The following ICA1 variants were observed in gnomAD, a reference collection of about 807,000 sequenced individuals.
ICA1 encodes the protein 69 kDa islet cell autoantigen.
Under a neutral mutation model 71.0 loss-of-function variants are expected in ICA1, and 40 were observed. That is an observed-to-expected ratio of 0.56 (90% CI 0.44 to 0.73). ICA1 has a LOEUF of 0.73. Ranked by LOEUF, ICA1 falls within the 30% of genes least tolerant of loss-of-function variation. The pLI is 0.00. For missense variants in ICA1, 578 were observed against 576.5 expected (o/e 1.00, Z -0.03); for synonymous variants, 207 against 209.5 (o/e 0.99, Z 0.10).
intron 3 of ICA1, among the ~76,000 whole-genome samples, chr7:8,228,975 G>C (rs1224799044): frequency 4.6e-5 from 7 of 151,992 alleles, no homozygotes; most frequent in African/African-American, 1.7e-4. Flanking sequence ...CCTAAGTGAA[G>C]GGCCTAGTTA....
In ICA1 at chr7:8,156,614, G is replaced by C. The variant is rs1584677224; in HGVS notation, c.804+502C>G. On this transcript the variant is annotated intron_variant, in intron 8 of 13. Transcript: ENST00000402384. ...TTTTCAATTAGAAAATATTGCTGTA[G>C]TCTTACAGAAAAATTCAATTTTATG... 4 of 426,986 alleles carry C rather than the reference G, an allele frequency of 9.4e-6. No individual in the cohort carries two copies. The East Asian group carries it at 1.7e-4, about 18-fold the overall frequency. The allele number at this position is 426,986 out of a possible 1,614,324, so 26.4% of individuals were successfully genotyped here.
intron 8 of ICA1, among the ~76,000 whole-genome samples, chr7:8,150,924 T>C (rs1261289915): frequency 6.6e-6 from 1 of 152,246 alleles, no homozygotes; most frequent in Non-Finnish European, 1.5e-5. Flanking sequence ...CCCAATCTTC[T>C]GCACAATGGG....
At chr7:8,156,265 A>C (rs895952635) in intron 8 of ICA1, among the ~76,000 whole-genome samples, 1 of 152,258 alleles carries the variant, frequency 6.6e-6, no homozygotes, top group Admixed American at 6.5e-5. Context: ...ATGCATTTGA[A>C]TGTTTTAACG....
intron 12 of ICA1, among the ~76,000 whole-genome samples, chr7:8,134,624 C>T (rs1400859808): frequency 6.6e-6 from 1 of 152,168 alleles, no homozygotes; most frequent in Non-Finnish European, 1.5e-5. Flanking sequence ...AACACCAACA[C>T]TATCCTCACA....
chr7:8,158,081 C>T (rs367712611), intron 7 of ICA1, among the ~76,000 whole-genome samples: 1 of 152,018 alleles, frequency 6.6e-6, no homozygotes, highest in Non-Finnish European at 1.5e-5. Flanking sequence ...CAGTGTTATC[C>T]GGAAGGAACT....
At chr7:8,126,829 C>A (rs764032498) in intron 13 of ICA1, among the ~76,000 whole-genome samples, 1 of 152,160 alleles carries the variant, frequency 6.6e-6, no homozygotes, top group Non-Finnish European at 1.5e-5. Context: ...CTTTCAGAAG[C>A]CTGTGTGTTT....
rs1796120355 is a variant in ICA1 at position 8,144,072 on chromosome 7, C to T, written c.805-100G>A. The T allele has an allele frequency of 1.4e-6, 1 of 689,906 alleles. No individual in the cohort carries two copies. The highest frequency in any genetic ancestry group is 2.4e-6 in the Non-Finnish European group (1 of 411,956). 42.7% of individuals were successfully genotyped at this position (689,906 alleles called of 1,614,324 possible). On this transcript the variant is annotated intron_variant, in intron 8 of 13. Transcript: ENST00000402384. The surrounding 1 kb of genome is among the most constrained non-coding windows in gnomAD (Gnocchi z 4.5). The stretch of plus-strand genomic sequence containing the variant: ...GGTTATCAATTAAAAAATTCAACTG[C>T]CATTTGTCCCAGCAACCAAACTTTG...
intron 6 of ICA1, among the ~76,000 whole-genome samples, chr7:8,171,096 TAG>T (rs1808154201): frequency 6.6e-6 from 1 of 151,956 alleles, no homozygotes; most frequent in African/African-American, 2.4e-5. Flanking sequence ...CATTAGCTTG[TAG>T]TTTGCTTTTC....
chr7:8,188,359 C>A (rs901738046), intron 6 of ICA1, among the ~76,000 whole-genome samples: 7 of 152,210 alleles, frequency 4.6e-5, no homozygotes, highest in African/African-American at 1.7e-4. Flanking sequence ...GCATCCTACA[C>A]AGAGCTACCA....
chr7:8,219,659 G>T (rs998316341), intron 5 of ICA1, among the ~76,000 whole-genome samples: 1 of 152,232 alleles, frequency 6.6e-6, no homozygotes, highest in Non-Finnish European at 1.5e-5. Context: ...CATAAAGTAA[G>T]CTTGTTATCC....
chr7:8,178,179 CCATTGGTGTCA>C (rs376868868), intron 6 of ICA1, among the ~76,000 whole-genome samples: 179 of 152,304 alleles, frequency 1.2e-3, no homozygotes, highest in African/African-American at 4.2e-3. Context: ...CATGTTGTTC[CCATTGGTGTCA>C]CGTTGTTTCT....
At chr7:8,220,311 C>G (rs191324265) in intron 5 of ICA1, among the ~76,000 whole-genome samples, 2 of 152,294 alleles carry the variant, frequency 1.3e-5, no homozygotes, top group East Asian at 3.9e-4. Context: ...AAAACAGACA[C>G]AGCAGGTCTC....
chr7:8,187,747 T>C (rs1784344214), intron 6 of ICA1, among the ~76,000 whole-genome samples: 1 of 152,222 alleles, frequency 6.6e-6, no homozygotes, highest in Non-Finnish European at 1.5e-5. Flanking sequence ...CTTTTTTCTA[T>C]CTTTAACTTT....
rs150283640 is a variant in ICA1, at chr7:8,175,292, G to C, written c.580-16640C>G. 5.9e-5 allele frequency among the ~76,000 whole-genome samples: 9 copies of C among 152,278 alleles called. No homozygotes were observed. In the East Asian group the frequency reaches 1.7e-3, roughly 29 times the overall value. On this transcript the variant is annotated intron_variant, in intron 6 of 13. Coordinates refer to ENST00000402384, the MANE Select transcript of ICA1 (RefSeq NM_001136020.3). ...AAGAATCTGTATGTTTAATGCTGTG[G>C]CTAAGACGGTTAATCATCAGTATTT... is the stretch of plus-strand genomic sequence containing the variant.
At chr7:8,260,204 C>T (rs957470587) in intron 1 of ICA1, among the ~76,000 whole-genome samples, 1 of 152,174 alleles carries the variant, frequency 6.6e-6, no homozygotes, top group South Asian at 2.1e-4. Flanking sequence ...ACCTCCATAC[C>T]GCTAATGCTG....
Position 8,222,631 on chromosome 7 carries a change from G to T in ICA1, c.257-1233C>A, listed in dbSNP as rs2128428331. On this transcript the variant is annotated intron_variant, in intron 4 of 13. Coordinates refer to ENST00000402384, the MANE Select transcript of ICA1 (RefSeq NM_001136020.3). The surrounding 1 kb of genome is among the most constrained non-coding windows in gnomAD (Gnocchi z 4.8). ...GCTACCTTATTAATTTGTGACTATA[G>T]TTTCACCCTAAACATTCCCTTGGGA... Among the ~76,000 whole-genome samples, 1 of 152,294 alleles carries T rather than the reference G, an allele frequency of 6.6e-6. No homozygotes were observed. Among genetic ancestry groups the T allele is most frequent in the East Asian group, 1.9e-4 (1 of 5,182 alleles).
At chr7:8,149,227 G>A (rs1012909434) in intron 8 of ICA1, among the ~76,000 whole-genome samples, 2 of 152,116 alleles carry the variant, frequency 1.3e-5, no homozygotes, top group Admixed American at 6.5e-5. Flanking sequence ...CTCCAAAAAC[G>A]TTCTGTTTCT....
intron 6 of ICA1, among the ~76,000 whole-genome samples, chr7:8,172,648 T>C (rs1015010060): frequency 1.3e-5 from 2 of 152,212 alleles, no homozygotes; most frequent in African/African-American, 2.4e-5. Context: ...TGCTTTGAAA[T>C]AATCACATGT....
chr7:8,253,649 T>C (rs1181438825), intron 1 of ICA1, among the ~76,000 whole-genome samples: 1 of 152,140 alleles, frequency 6.6e-6, no homozygotes, highest in Non-Finnish European at 1.5e-5. Flanking sequence ...CATTTTTTGC[T>C]TATAATTAAA....
Sources: gnomAD v4.1 joint callset for allele counts (sites outside exome capture counted in the v4.1 genomes callset) on GRCh38, gnomAD v4.1.1 for gene constraint, Gnocchi (gnomAD v3.1) non-coding constraint, MANE v1.5 for transcripts, NCBI Gene and HGNC (gene_info 2026-07-23, HGNC 2026-07-21) for gene names.